Variants in CCDC73 observed in about 807,000 individuals in gnomAD.
The protein encoded by CCDC73 is coiled-coil domain-containing protein 73.
In CCDC73, 95 loss-of-function variants were observed where a neutral mutation model predicts 116.5. The ratio of observed to expected loss-of-function variants is 0.82; its 90% CI spans 0.69 to 0.97. CCDC73 has a LOEUF of 0.97. CCDC73 is among the 50% of genes least tolerant of loss of function. The probability of loss-of-function intolerance (pLI) is 0.00; values close to 1 mark genes in which losing one functional copy is unlikely to be tolerated. For missense variants in CCDC73, 1,066 were observed against 1,206.8 expected (o/e 0.88, Z 1.73); for synonymous variants, 398 against 401.3 (o/e 0.99, Z 0.10).
rs1855858274 is a variant in CCDC73 at position 32,654,980 on chromosome 11, A to T, written c.646-8T>A. The T allele has an allele frequency of 6.3e-7, 1 of 1,583,096 alleles. No homozygotes were observed. The highest frequency in any genetic ancestry group is 1.4e-5 in the African/African-American group (1 of 72,924). On this transcript the variant is annotated splice_polypyrimidine_tract_variant and splice_region_variant and intron_variant, in intron 9 of 17. Coordinates refer to ENST00000335185, the MANE Select transcript of CCDC73 (RefSeq NM_001008391.4). The stretch of plus-strand genomic sequence containing the variant: ...GGCTGCTTTTTTTAGTTCCTTAATA[A>T]GAAACATATCAAACAGAAAATTCAG...
chr11:32,706,839 A>G (rs1391150947), intron 3 of CCDC73, among the ~76,000 whole-genome samples: 1 of 152,216 alleles, frequency 6.6e-6, no homozygotes, highest in East Asian at 1.9e-4. Flanking sequence ...ATTAAAAGAT[A>G]GGGATCTATT....
rs182727206 is a variant in CCDC73 at position 32,621,179 on chromosome 11, A to G, written c.1186-5050T>C. Among the ~76,000 whole-genome samples, 561 of 152,250 alleles carry G rather than the reference A, an allele frequency of 3.7e-3. 5 individuals carry two copies. The highest frequency in any genetic ancestry group is 0.013 in the African/African-American group (542 of 41,548). The stretch of plus-strand genomic sequence containing the variant: ...CAGAATTTGAAAAAACTACTTTAAA[A>G]TGCATATGGAACCAAAAAAGAGCCA... On this transcript the variant is annotated intron_variant, in intron 14 of 17. Coordinates refer to ENST00000335185, the MANE Select transcript of CCDC73 (RefSeq NM_001008391.4).
At chr11:32,655,028 G>A in intron 9 of CCDC73, 56 bp from the exon 10 acceptor site, 1 of 1,035,248 alleles carries the variant, frequency 9.7e-7, no homozygotes, top group Non-Finnish European at 1.2e-6. Context: ...ACTAAAACAA[G>A]GTACTTTCCT....
chr11:32,676,849 T>C (rs543036409), intron 7 of CCDC73, among the ~76,000 whole-genome samples: 4 of 152,328 alleles, frequency 2.6e-5, no homozygotes, highest in African/African-American at 9.6e-5. Flanking sequence ...CATATGATAG[T>C]AGATAGTCTA....
intron 2 of CCDC73, among the ~76,000 whole-genome samples, chr11:32,756,584 A>G (rs1307695735): frequency 6.6e-6 from 1 of 150,940 alleles, no homozygotes; most frequent in Non-Finnish European, 1.5e-5. Context: ...TGTAAAGCCT[A>G]TTTCTATTTA....
At chr11:32,676,100 TGTGGTAAACCAC>T in intron 7 of CCDC73, 79 bp from the exon 8 acceptor site, 2 of 1,201,790 alleles carry the variant, frequency 1.7e-6, no homozygotes, top group Non-Finnish European at 2.2e-6. Flanking sequence ...TAAAATATAT[TGTGGTAAACCAC>T]TGTTGTTAGT....
the CCDC73 span, among the ~76,000 whole-genome samples, chr11:32,817,177 C>T: frequency 6.6e-6 from 1 of 152,224 alleles, no homozygotes; most frequent in Admixed American, 6.5e-5. Flanking sequence ...AGAGAAACTG[C>T]ACAGCCAGTA....
At chr11:32,652,568 G>A (rs1855835905) in intron 12 of CCDC73, among the ~76,000 whole-genome samples, 1 of 152,126 alleles carries the variant, frequency 6.6e-6, no homozygotes, top group Admixed American at 6.6e-5. Context: ...CTCTGCTAGG[G>A]ATGTAAGAGA....
chr11:32,664,900 T>G (rs1406496290), intron 9 of CCDC73, among the ~76,000 whole-genome samples: 1 of 152,268 alleles, frequency 6.6e-6, no homozygotes, highest in Non-Finnish European at 1.5e-5. Context: ...CATGTCTGCC[T>G]TCATTTCATT....
chr11:32,645,291 C>CTTTTTTT (rs397689348), intron 12 of CCDC73, among the ~76,000 whole-genome samples: 125 of 121,002 alleles, frequency 1.0e-3, no homozygotes, highest in South Asian at 1.5e-3. Context: ...TTTTCTTTTT[C>CTTTTTTT]TTTTTTTTTT....
chr11:32,755,573 A>ATG (rs1565094063), intron 2 of CCDC73, among the ~76,000 whole-genome samples: 2 of 113,240 alleles, frequency 1.8e-5, no homozygotes, highest in African/African-American at 6.2e-5. Context: ...GTACATATAT[A>ATG]TCCATATATA....
chr11:32,733,940 A>C (rs900234344), intron 2 of CCDC73, among the ~76,000 whole-genome samples: 1 of 150,838 alleles, frequency 6.6e-6, no homozygotes, highest in Non-Finnish European at 1.5e-5. Flanking sequence ...TGAAGTAGAT[A>C]GAGACACAAA....
At chr11:32,795,092 G>A (rs79103539), upstream of CCDC73, among the ~76,000 whole-genome samples, 2,516 of 152,314 alleles carry the variant, frequency 0.017, 37 homozygotes, top group South Asian at 0.025. Context: ...GGGAACGGGA[G>A]AGAGAGGGAG....
chr11:32,713,127 A>ATCGGAG (rs2133327381), intron 3 of CCDC73, among the ~76,000 whole-genome samples: 1 of 152,212 alleles, frequency 6.6e-6, no homozygotes, highest in East Asian at 1.9e-4. Flanking sequence ...CCCCCGGATT[A>ATCGGAG]AATTTACATG....
chr11:32,627,420 C>T (rs1855586090), intron 14 of CCDC73, among the ~76,000 whole-genome samples: 1 of 152,150 alleles, frequency 6.6e-6, no homozygotes, highest in Admixed American at 6.5e-5. Flanking sequence ...GGCGATTCTT[C>T]AGGGATCTAG....
In CCDC73 at chr11:32,665,951, GA is replaced by G. The variant is rs1304219171; in HGVS notation, c.645+9613del. ...TTGGCTGGATATGAAATTCTGGGTT[GA>G]AAATTATTTTCTTTAAGAATGTTGA... On this transcript the variant is annotated intron_variant, in intron 9 of 17. Coordinates refer to ENST00000335185, the MANE Select transcript of CCDC73 (RefSeq NM_001008391.4). 5.9e-5 allele frequency among the ~76,000 whole-genome samples: 9 copies of G among 152,298 alleles called. No individual in the cohort carries two copies. In the South Asian group the frequency reaches 1.5e-3, roughly 25 times the overall value.
intron 1 of CCDC73, among the ~76,000 whole-genome samples, chr11:32,791,416 C>G (rs1342875876): frequency 6.6e-6 from 1 of 152,226 alleles, no homozygotes; most frequent in East Asian, 1.9e-4. Flanking sequence ...ACACTAACTC[C>G]CCATTTCAGA....
chr11:32,730,789 G>A (rs939807220), intron 2 of CCDC73, among the ~76,000 whole-genome samples: 6 of 152,100 alleles, frequency 3.9e-5, no homozygotes, highest in Non-Finnish European at 5.9e-5. Flanking sequence ...GAGTTCTGAG[G>A]GGGAGGTTCC....
intron 1 of CCDC73, among the ~76,000 whole-genome samples, chr11:32,776,054 C>A (rs529272241): frequency 3.9e-5 from 6 of 152,276 alleles, no homozygotes; most frequent in African/African-American, 1.2e-4. Context: ...CTCTGCTTCT[C>A]CACCTCTTGT....
Sources: allele counts gnomAD v4.1 joint callset (sites outside exome capture counted in the v4.1 genomes callset), GRCh38; gene constraint gnomAD v4.1.1; transcripts MANE v1.5; gene names NCBI Gene and HGNC (gene_info 2026-07-23, HGNC 2026-07-21).